The following RANBP17 variants were observed in gnomAD, a reference collection of about 807,000 sequenced individuals.
RANBP17 encodes ran-binding protein 17.
A neutral mutation model predicts 141.2 loss-of-function variants in RANBP17; 158 were observed. The observed-to-expected ratio is 1.12, with a 90% CI of 0.98 to 1.28. The LOEUF (loss-of-function observed/expected upper bound fraction) is 1.28. Among genes scored for constraint, RANBP17 ranks in the 50% most tolerant of loss-of-function variants. RANBP17 has a pLI of 0.00. For synonymous variants in RANBP17, 430 were observed against 450.0 expected (o/e 0.96, Z 0.56); for missense variants, 1,438 against 1,290.7 (o/e 1.11, Z -1.75).
chr5:170,972,364 A>G (rs1052189552), intron 14 of RANBP17, among the ~76,000 whole-genome samples: 1 of 151,834 alleles, frequency 6.6e-6, no homozygotes, highest in Admixed American at 6.6e-5. Context: ...TTGTATTTTT[A>G]GTAGAGACGA....
chr5:171,276,072 C>A (rs555868397), intron 25 of RANBP17, among the ~76,000 whole-genome samples: 2 of 152,136 alleles, frequency 1.3e-5, no homozygotes, highest in African/African-American at 4.8e-5. Context: ...AACACAGCAG[C>A]CATAATTTCT....
chr5:170,972,670 C>T (rs529537001), intron 14 of RANBP17, among the ~76,000 whole-genome samples: 1 of 152,236 alleles, frequency 6.6e-6, no homozygotes, highest in East Asian at 1.9e-4. Context: ...TAAATATTCT[C>T]ATGTCTGCAT....
intron 14 of RANBP17, among the ~76,000 whole-genome samples, chr5:171,024,529 A>G (rs1469301524): frequency 6.6e-6 from 1 of 152,106 alleles, no homozygotes; most frequent in Non-Finnish European, 1.5e-5. Context: ...GAAGCACACC[A>G]CTTGCTGATT....
chr5:171,090,226 T>C (rs1379236716), intron 14 of RANBP17, among the ~76,000 whole-genome samples: 1 of 152,174 alleles, frequency 6.6e-6, no homozygotes, highest in African/African-American at 2.4e-5. Flanking sequence ...AAATCCAGGC[T>C]GAGGTGGTCT....
rs566971577 is a variant in RANBP17, at chr5:171,128,363, C to T, written c.1711-41767C>T. On this transcript the variant is annotated intron_variant, in intron 14 of 27. Transcript: ENST00000523189. Reference sequence around the variant, plus strand: ...CATGTCATCGAAGCATCCATTCATTCCATTAGATGAAACTGGAGGTCATTA... The same window carrying T: ...CATGTCATCGAAGCATCCATTCATTTCATTAGATGAAACTGGAGGTCATTA... Among the ~76,000 whole-genome samples the T allele has an allele frequency of 5.3e-5, 8 of 152,138 alleles. No individual in the cohort carries two copies. In the East Asian group the frequency reaches 7.7e-4, roughly 15 times the overall value.
chr5:170,880,928 G>A (rs1443205116), intron 2 of RANBP17, among the ~76,000 whole-genome samples: 4 of 152,194 alleles, frequency 2.6e-5, no homozygotes, highest in African/African-American at 9.7e-5. Context: ...ACGCTGAGCA[G>A]CAGTAGGAAG....
At chr5:171,155,094 A>AAAAAAAAAAT (rs34090443) in intron 14 of RANBP17, among the ~76,000 whole-genome samples, 2 of 74,988 alleles carry the variant, frequency 2.7e-5, no homozygotes, top group African/African-American at 1.0e-4. Flanking sequence ...AAAAAAAAAA[A>AAAAAAAAAAT]ATATATATAT....
At chr5:171,274,143 TGTGTGTGCGC>T (rs1452007208) in intron 25 of RANBP17, among the ~76,000 whole-genome samples, 5 of 130,480 alleles carry the variant, frequency 3.8e-5, no homozygotes, top group African/African-American at 1.2e-4. Flanking sequence ...TGTGTGTGTG[TGTGTGTGCGC>T]GCGCGCGCGC....
rs35762251 is a variant in RANBP17, at chr5:171,267,026, C to CTTTTTTTTTTTT, written c.2943+1188_2943+1199dup. ...CTATACCATCACTATATTTTCTTTTCTTTTTTTTTTTTTTTTTTTTGAGAC... is the reference window on the plus strand; with the variant it reads ...CTATACCATCACTATATTTTCTTTTCTTTTTTTTTTTTTTTTTTTTTTTTTTTTTTTTGAGAC... On this transcript the variant is annotated intron_variant, in intron 25 of 27. Coordinates refer to ENST00000523189, the MANE Select transcript of RANBP17 (RefSeq NM_022897.5). Among the ~76,000 whole-genome samples the CTTTTTTTTTTTT allele has an allele frequency of 1.7e-5, 2 of 114,618 alleles. 1 individual carries two copies. Among genetic ancestry groups the CTTTTTTTTTTTT allele is most frequent in the African/African-American group, 7.4e-5 (2 of 26,924 alleles). 75.2% of individuals were successfully genotyped at this position (114,618 alleles called of 152,430 possible).
chr5:171,175,197 C>G (rs1053755336), intron 16 of RANBP17, among the ~76,000 whole-genome samples: 5 of 152,130 alleles, frequency 3.3e-5, no homozygotes, highest in African/African-American at 1.2e-4. Flanking sequence ...TCCAGTCTAT[C>G]ATTGATGGGC....
chr5:170,985,929 G>A (rs553369893), intron 14 of RANBP17, among the ~76,000 whole-genome samples: 1 of 152,074 alleles, frequency 6.6e-6, no homozygotes, highest in South Asian at 2.1e-4. Flanking sequence ...TCATTCTTCT[G>A]AATTTACATA....
At chr5:171,025,797 A>G (rs989059456) in intron 14 of RANBP17, among the ~76,000 whole-genome samples, 8 of 152,084 alleles carry the variant, frequency 5.3e-5, no homozygotes, top group African/African-American at 1.9e-4. Flanking sequence ...TATGTTGTCC[A>G]GCCATGTCTT....
At chr5:171,080,399 T>C (rs961951040) in intron 14 of RANBP17, among the ~76,000 whole-genome samples, 2 of 152,186 alleles carry the variant, frequency 1.3e-5, no homozygotes, top group South Asian at 4.1e-4. Flanking sequence ...AGTGCACCTA[T>C]ATTCTATAAT....
chr5:171,003,474 C>G (rs1405834881), intron 14 of RANBP17, among the ~76,000 whole-genome samples: 4 of 152,164 alleles, frequency 2.6e-5, no homozygotes, highest in South Asian at 2.1e-4. Flanking sequence ...TTTGAGAGAT[C>G]AGTCAGACAC....
chr5:171,139,255 C>T (rs1277216698), intron 14 of RANBP17, among the ~76,000 whole-genome samples: 3 of 152,070 alleles, frequency 2.0e-5, no homozygotes, highest in Admixed American at 6.6e-5. Flanking sequence ...CCTCATTTGG[C>T]AGATTAGAAT....
At chr5:171,046,356 G>A (rs1422365848) in intron 14 of RANBP17, among the ~76,000 whole-genome samples, 1 of 151,492 alleles carries the variant, frequency 6.6e-6, no homozygotes, top group African/African-American at 2.4e-5. Flanking sequence ...CTACAGGCAC[G>A]CTCCACCACG....
intron 25 of RANBP17, among the ~76,000 whole-genome samples, chr5:171,275,339 T>A (rs755939880): frequency 6.6e-6 from 1 of 152,236 alleles, no homozygotes; most frequent in Non-Finnish European, 1.5e-5. Context: ...TGGGGATTGT[T>A]TTTATACTTG....
In RANBP17 at chr5:170,981,561, C is replaced by CG. The variant is rs1554147176; in HGVS notation, c.1710+13184_1710+13185insG. 4.0e-3 allele frequency among the ~76,000 whole-genome samples: 593 copies of CG among 147,758 alleles called. 4 individuals are homozygous for CG. Among genetic ancestry groups the CG allele is most frequent in the South Asian group, 9.0e-3 (41 of 4,538 alleles). On this transcript the variant is annotated intron_variant, in intron 14 of 27. Transcript: ENST00000523189. ...GGGGGAGTTTTCCTGCACAGGCTCT[C>CG]ATTTTTTTTTTTGCCTGCCACTATC...
intron 14 of RANBP17, among the ~76,000 whole-genome samples, chr5:171,015,725 C>T (rs1780380726): frequency 1.3e-5 from 2 of 152,008 alleles, no homozygotes; most frequent in Admixed American, 6.6e-5. Flanking sequence ...GTGTTTCTTT[C>T]AGATCTTGCT....
Sources: allele counts gnomAD v4.1 joint callset (sites outside exome capture counted in the v4.1 genomes callset), GRCh38; gene constraint gnomAD v4.1.1; transcripts MANE v1.5; gene names NCBI Gene and HGNC (gene_info 2026-07-23, HGNC 2026-07-21).